Variants in XPO7 observed in about 807,000 individuals in gnomAD.
XPO7 encodes the protein exportin 7, also known as exportin-7.
A neutral mutation model predicts 144.3 loss-of-function variants in XPO7; 21 were observed. That is an observed-to-expected ratio of 0.15 (90% CI 0.10 to 0.21). XPO7 has a LOEUF of 0.21. XPO7 is among the 10% of genes least tolerant of loss of function. XPO7 has a pLI of 1.00. For missense variants in XPO7, 808 were observed against 1,325.8 expected (o/e 0.61, Z 6.06); for synonymous variants, 580 against 499.6 (o/e 1.16, Z -2.15).
intron 13 of XPO7, 110 bp downstream of exon 13, chr8:21,985,801 G>A (rs988424521): frequency 4.5e-6 from 4 of 883,266 alleles, no homozygotes; most frequent in Non-Finnish European, 7.3e-6. Context: ...AACTGCCCAT[G>A]AGACACAGCT....
chr8:21,982,538 T>C (rs964122586), intron 10 of XPO7, 102 bp from the exon 11 acceptor site: 2 of 1,346,254 alleles, frequency 1.5e-6, no homozygotes, highest in African/African-American at 3.1e-5. Flanking sequence ...TATCCTCTTT[T>C]TTTAAAAAAA....
intron 1 of XPO7, among the ~76,000 whole-genome samples, chr8:21,941,080 C>A: frequency 6.6e-6 from 1 of 151,820 alleles, no homozygotes; most frequent in East Asian, 1.9e-4. Context: ...TACTCAAGTC[C>A]CTGATAGAAA....
At chr8:21,927,664 G>A (rs549687468) in intron 1 of XPO7, among the ~76,000 whole-genome samples, 182 of 150,450 alleles carry the variant, frequency 1.2e-3, no homozygotes, top group African/African-American at 4.3e-3. Flanking sequence ...TCCTGCCTCA[G>A]CCTCCCAAGT....
intron 1 of XPO7, among the ~76,000 whole-genome samples, chr8:21,952,121 A>C (rs939804387): frequency 1.3e-5 from 2 of 152,210 alleles, no homozygotes; most frequent in Non-Finnish European, 2.9e-5. Flanking sequence ...TTAGGATGTG[A>C]GGGATGGTAA....
intron 1 of XPO7, among the ~76,000 whole-genome samples, chr8:21,924,682 C>G (rs2117235681): frequency 6.6e-6 from 1 of 152,114 alleles, no homozygotes; most frequent in African/African-American, 2.4e-5. Flanking sequence ...CAATTTTAGG[C>G]CATTCATGAA....
intron 24 of XPO7, 98 bp downstream of exon 24, chr8:21,999,772 C>T: frequency 1.3e-6 from 2 of 1,485,952 alleles, no homozygotes; most frequent in Non-Finnish European, 1.8e-6. Flanking sequence ...AAAAAGATCA[C>T]CACTGCCTTG....
chr8:21,932,148 G>A (rs1316085706), intron 1 of XPO7, among the ~76,000 whole-genome samples: 2 of 152,116 alleles, frequency 1.3e-5, no homozygotes, highest in East Asian at 1.9e-4. Flanking sequence ...GATTGCAGGC[G>A]TGAGCCACCA....
At chr8:21,954,402 A>G (rs919697716) in intron 1 of XPO7, among the ~76,000 whole-genome samples, 2 of 152,210 alleles carry the variant, frequency 1.3e-5, no homozygotes, top group South Asian at 4.1e-4. Flanking sequence ...TTGGGAAGCC[A>G]AGACAGGCGG....
In XPO7 at chr8:21,970,185, G is replaced by A; in HGVS notation, c.301G>A (p.Ala101Thr). 1 of 1,613,532 alleles carries A rather than the reference G, an allele frequency of 6.2e-7. No homozygotes were observed. Among genetic ancestry groups the A allele is most frequent in the African/African-American group, 1.3e-5 (1 of 74,972 alleles). The change falls in exon 4 of 28, where the codon GCT becomes ACT. Residue 101 changes from alanine to threonine, a missense_variant. Physicochemically the swap from Ala to Thr is moderately conservative, Grantham distance 58. Around this residue, in one of 5 missense-constraint regions of XPO7, gnomAD observed 223 missense variants for 368.8 expected, o/e 0.60. Coordinates refer to ENST00000252512, the MANE Select transcript of XPO7 (RefSeq NM_015024.5). The stretch of plus-strand genomic sequence containing the variant: ...CTACCTTGCCACTCGGCCGAAGTTG[G>A]CTACTTTCGTGACACAAGCACTTAT... The part of the protein sequence containing the change: ...LNYLATRPKL[A>T]TFVTQALIQL...
chr8:21,984,811 A>T lies in XPO7; in HGVS notation c.1443A>T (p.Ala481=). 1 of 1,613,934 alleles carries T rather than the reference A, an allele frequency of 6.2e-7. No individual in the cohort carries two copies. Among genetic ancestry groups the T allele is most frequent in the Non-Finnish European group, 8.5e-7 (1 of 1,179,884 alleles). ...SYQELLQSAS[A]SPMDIAVQEG... ...AGGAGCTGCTACAGAGCGCCAGCGC[A>T]AGCCCAATGGACATTGCAGTGCAGG... Residue 481 remains alanine, a synonymous_variant, in exon 12 of 28, where the codon GCA becomes GCT. Coordinates refer to ENST00000252512, the MANE Select transcript of XPO7 (RefSeq NM_015024.5).
rs773058732 is a variant in XPO7 at position 21,999,197 on chromosome 8, G to A, written c.2535G>A (p.Gly845=). The change falls in exon 23 of 28, where the codon GGG becomes GGA. Residue 845 remains glycine (G), a synonymous_variant. Transcript: ENST00000252512. ...CFSMLKAALS[G]SYVNFGVFRL... is the part of the protein sequence containing the mutation. Reference sequence around the variant, plus strand: ...CCATGCTGAAGGCTGCTCTCAGTGGGAGTTACGTCAATTTCGGAGTCTTTC... The same window carrying A: ...CCATGCTGAAGGCTGCTCTCAGTGGAAGTTACGTCAATTTCGGAGTCTTTC... 1 of 1,613,982 alleles carries A rather than the reference G, an allele frequency of 6.2e-7. No individual in the cohort carries two copies. Among genetic ancestry groups the A allele is most frequent in the Non-Finnish European group, 8.5e-7 (1 of 1,179,890 alleles).
chr8:21,987,669 C>G, intron 14 of XPO7, 115 bp from the exon 15 acceptor site: 1 of 1,161,552 alleles, frequency 8.6e-7, no homozygotes, highest in Admixed American at 2.2e-5. Flanking sequence ...AAAGTCCTCT[C>G]TGGGATTCTT....
chr8:21,987,698 C>T (rs1812626485), intron 14 of XPO7, 86 bp from the exon 15 acceptor site: 1 of 1,432,722 alleles, frequency 7.0e-7, no homozygotes, highest in African/African-American at 1.4e-5. Context: ...TCTTCCACAT[C>T]TTACCCATGA....
chr8:21,963,474 T>A (rs901146831), intron 1 of XPO7, among the ~76,000 whole-genome samples: 1 of 152,084 alleles, frequency 6.6e-6, no homozygotes. Flanking sequence ...GCCAGGCAAA[T>A]CATGAGGTCA....
At chr8:21,942,544 C>A (rs895817726) in intron 1 of XPO7, among the ~76,000 whole-genome samples, 1 of 152,072 alleles carries the variant, frequency 6.6e-6, no homozygotes. Flanking sequence ...ATTTATGATA[C>A]GTTGTTTTGG....
chr8:21,933,351 C>T (rs1037877797), intron 1 of XPO7, among the ~76,000 whole-genome samples: 5 of 152,050 alleles, frequency 3.3e-5, no homozygotes, highest in Admixed American at 1.3e-4. Context: ...CTGCCTGCCT[C>T]GGCCTCCCAA....
intron 8 of XPO7, among the ~76,000 whole-genome samples, chr8:21,979,435 T>C (rs1384512256): frequency 1.4e-5 from 2 of 147,822 alleles, no homozygotes; most frequent in Non-Finnish European, 3.0e-5. Context: ...TGAGACGGAG[T>C]CTCTCACTGT....
At chr8:21,955,798 G>A (rs950500099) in intron 1 of XPO7, among the ~76,000 whole-genome samples, 5 of 135,774 alleles carry the variant, frequency 3.7e-5, no homozygotes, top group Admixed American at 1.7e-4. Flanking sequence ...GCATAATCTC[G>A]GCTCACTGCA....
Position 21,995,650 on chromosome 8 carries a change from G to A in XPO7, c.2345+51G>A. The A allele has an allele frequency of 2.8e-6, 4 of 1,420,510 alleles. No homozygotes were observed. The South Asian group carries it at 3.8e-5, about 13-fold the overall frequency. The allele number at this position is 1,420,510 out of a possible 1,614,324, so 88.0% of individuals were successfully genotyped here. ...GGCACATCTGCCCTGTTATCTGAGA[G>A]AATTTGCTGTATCTAGTGCTTTGGG... is the stretch of plus-strand genomic sequence containing the variant. On this transcript the variant is annotated intron_variant, in intron 21 of 27. Transcript: ENST00000252512.
Sources: allele counts gnomAD v4.1 joint callset (sites outside exome capture counted in the v4.1 genomes callset), GRCh38; gene constraint gnomAD v4.1.1; regional missense constraint gnomAD v4.1.1; transcripts MANE v1.5; gene names NCBI Gene and HGNC (gene_info 2026-07-23, HGNC 2026-07-21).